RTKN: variants seen among roughly 807,000 people sequenced by gnomAD.
The protein encoded by RTKN is rhotekin.
In RTKN, 49 loss-of-function variants were observed where a neutral mutation model predicts 63.5. The ratio of observed to expected loss-of-function variants is 0.77; its 90% CI spans 0.61 to 0.98. The LOEUF (loss-of-function observed/expected upper bound fraction) is 0.98. RTKN is among the 50% of genes least tolerant of loss of function. The pLI, the probability that RTKN is intolerant of heterozygous loss-of-function variation, is 0.00. For synonymous variants in RTKN, 295 were observed against 290.4 expected (o/e 1.02, Z -0.16); for missense variants, 685 against 740.8 (o/e 0.92, Z 0.87).
In RTKN at chr2:74,441,886, GCTT is replaced by G; in HGVS notation, c.-73_-71del. 1.1e-6 allele frequency: 1 copy of G among 923,878 alleles called. No homozygotes were observed. The highest frequency in any genetic ancestry group is 1.7e-6 in the Non-Finnish European group (1 of 590,030). 57.2% of individuals were successfully genotyped at this position (923,878 alleles called of 1,614,324 possible). On this transcript the variant is annotated 5_prime_UTR_variant, in exon 1 of 12. Coordinates refer to ENST00000272430, the MANE Select transcript of RTKN (RefSeq NM_001015055.2). The stretch of plus-strand genomic sequence containing the variant: ...CGCCCGGCTTAGCCTCCTCTCCTCG[GCTT>G]CTGTCTCTCGACGCTCGTCCGCCAG...
At chr2:74,433,881 T>A (rs576526677) in intron 1 of RTKN, among the ~76,000 whole-genome samples, 79 of 152,250 alleles carry the variant, frequency 5.2e-4, no homozygotes, top group South Asian at 1.0e-3. Flanking sequence ...TACCCTGTAG[T>A]ATTGCAGACA....
chr2:74,433,179 C>T (rs1670856222), intron 1 of RTKN, among the ~76,000 whole-genome samples: 2 of 150,498 alleles, frequency 1.3e-5, no homozygotes, highest in African/African-American at 4.9e-5. Context: ...GGAGGCGGAG[C>T]TTGCAGTGAG....
At position 74,428,611 on chromosome 2, in the gene RTKN, A is replaced by C. The variant is rs1670552893; in HGVS notation, c.957+20T>G. 2 of 1,596,508 alleles carry C rather than the reference A, an allele frequency of 1.3e-6. No homozygotes were observed. The highest frequency in any genetic ancestry group is 1.4e-5 in the African/African-American group (1 of 73,496). ...CTCTGCCTTCTCCCTGCTCCCTTCC[A>C]CTCCTCAGGGCCCCCTCACCTGCAC... is the stretch of plus-strand genomic sequence containing the variant. On this transcript the variant is annotated intron_variant, in intron 8 of 11. Coordinates refer to ENST00000272430, the MANE Select transcript of RTKN (RefSeq NM_001015055.2).
rs1001713983 is a variant in RTKN, at chr2:74,426,698, T to G, written c.1361-124A>C. The stretch of plus-strand genomic sequence containing the variant: ...GCAAAGCCTGGATCTCAGTGGAGAT[T>G]GCGTTATCCTGCAGGAGCAGCCCCT... On this transcript the variant is annotated intron_variant, in intron 11 of 11. Coordinates refer to ENST00000272430, the MANE Select transcript of RTKN (RefSeq NM_001015055.2). 5.0e-6 allele frequency: 7 copies of G among 1,406,080 alleles called. No homozygotes were observed. The South Asian group carries it at 1.0e-4, about 20-fold the overall frequency. The allele number at this position is 1,406,080 out of a possible 1,614,324, so 87.1% of individuals were successfully genotyped here. A position where few individuals can be genotyped will look rare whatever the true frequency, so the allele number is the denominator to read the frequency against.
chr2:74,426,964 G>C, intron 11 of RTKN: 1 of 985,380 alleles, frequency 1.0e-6, no homozygotes, highest in Non-Finnish European at 1.2e-6. Context: ...GGCTCACTGG[G>C]GTTTTGTTTT....
rs1670714475 is a variant in RTKN, at chr2:74,430,908, A to C, written c.312-231T>G. ...AGCCACATTAACTCACACATAAGGC[A>C]CAAGCTCAGGGCTCCTCTCTCCAAG... is the stretch of plus-strand genomic sequence containing the variant. On this transcript the variant is annotated intron_variant, in intron 2 of 11. Transcript: ENST00000272430. The C allele has an allele frequency of 7.1e-6, 4 of 563,508 alleles. No individual in the cohort carries two copies. The East Asian group carries it at 8.7e-5, about 12-fold the overall frequency. 34.9% of individuals were successfully genotyped at this position (563,508 alleles called of 1,614,324 possible).
chr2:74,441,774 C>A lies in RTKN; in HGVS notation c.43G>T (p.Gly15Cys), dbSNP rs1353869523. The A allele has an allele frequency of 6.2e-7, 1 of 1,611,956 alleles. No individual in the cohort carries two copies. The highest frequency in any genetic ancestry group is 1.3e-5 in the African/African-American group (1 of 74,932). The change falls in exon 1 of 12, where the codon GGC (glycine) becomes TGC (cysteine). Residue 15 changes from glycine (G) to cysteine (C), a missense_variant. Physicochemically the swap from Gly to Cys is radical, Grantham distance 159 (BLOSUM62 -3). Coordinates refer to ENST00000272430, the MANE Select transcript of RTKN (RefSeq NM_001015055.2). ...NHRSRVTVAR[G>C]SALEMEFKRG... ...TTGAACTCCATCTCCAGGGCGGAGC[C>A]CCTGGCCACGGTGACCCGGCTCCGG...
rs769193790 is a variant in RTKN, at chr2:74,441,801, G to C, written c.16C>G (p.His6Asp). The change falls in exon 1 of 12, where the codon CAC becomes GAC. Residue 6 changes from histidine to aspartate, a missense_variant. Coordinates refer to ENST00000272430, the MANE Select transcript of RTKN (RefSeq NM_001015055.2). MFSRN[H>D]RSRVTVARGS... ...CTGGCCACGGTGACCCGGCTCCGGT[G>C]GTTTCGGGAGAACATGCTGGCGGCC... The C allele has an allele frequency of 1.2e-6, 2 of 1,610,316 alleles. No homozygotes were observed. Among genetic ancestry groups the C allele is most frequent in the Admixed American group, 3.3e-5 (2 of 59,834 alleles).
chr2:74,427,561 T>A lies in RTKN; in HGVS notation c.1118A>T (p.Gln373Leu). Reference protein sequence around the residue: ...ETRVRAGELDQALGRPFTLSI... With the variant: ...ETRVRAGELDLALGRPFTLSI... ...TAGGGTGAAGGGCCGTCCTAGAGCCTGGTCCAGCTCCCCTGCCCGGACTCG... is the reference window on the plus strand; with the variant it reads ...TAGGGTGAAGGGCCGTCCTAGAGCCAGGTCCAGCTCCCCTGCCCGGACTCG... Residue 373 changes from glutamine to leucine, a missense_variant, in exon 10 of 12, where the codon CAG (glutamine) becomes CTG (leucine). Coordinates refer to ENST00000272430, the MANE Select transcript of RTKN (RefSeq NM_001015055.2). 1 of 1,613,548 alleles carries A rather than the reference T, an allele frequency of 6.2e-7. No homozygotes were observed. The highest frequency in any genetic ancestry group is 1.1e-5 in the South Asian group (1 of 91,060).
intron 1 of RTKN, 29 bp from the exon 2 acceptor site, chr2:74,432,695 G>A (rs779335535): frequency 6.2e-7 from 1 of 1,607,170 alleles, no homozygotes; most frequent in Non-Finnish European, 8.5e-7. Flanking sequence ...AGGGTGAGAA[G>A]GAAATGTCAG....
In RTKN at chr2:74,425,851, A is replaced by G. The variant is rs1670357854; in HGVS notation, c.*392T>C. 2 of 1,351,248 alleles carry G rather than the reference A, an allele frequency of 1.5e-6. No homozygotes were observed. Among genetic ancestry groups the G allele is most frequent in the Non-Finnish European group, 2.0e-6 (2 of 991,046 alleles). The allele number at this position is 1,351,248 out of a possible 1,614,324, so 83.7% of individuals were successfully genotyped here. A position where few individuals can be genotyped will look rare whatever the true frequency, so the allele number is the denominator to read the frequency against. On this transcript the variant is annotated 3_prime_UTR_variant, in exon 12 of 12. Transcript: ENST00000272430. ...AGGCAGGTCTAGACCAGGCAGAGAG[A>G]GGCACCCTGTCCTCAGGAGCCAGGT...
Position 74,429,869 on chromosome 2 carries a change from AC to A in RTKN, c.713del (p.Gly238ValfsTer70), listed in dbSNP as rs756896464. 6.2e-7 allele frequency: 1 copy of A among 1,613,950 alleles called. No homozygotes were observed. Among genetic ancestry groups the A allele is most frequent in the South Asian group, 1.1e-5 (1 of 91,066 alleles). ...RVRASLDSAGGSGSSPILLPT... is the reference protein window; with the variant it reads ...RVRASLDSAGXSGSSPILLPT... ...GGAGCAAGATGGGACTGCTCCCTGA[AC>A]CCCCAGCACTGTCCAGCGATGCCCG... On this transcript the variant is annotated frameshift_variant, in exon 6 of 12. Coordinates refer to ENST00000272430, the MANE Select transcript of RTKN (RefSeq NM_001015055.2). LOFTEE classifies it high-confidence loss of function.
At position 74,430,482 on chromosome 2, in the gene RTKN, T is replaced by C; in HGVS notation, c.410A>G (p.Tyr137Cys). 1 of 1,614,172 alleles carries C rather than the reference T, an allele frequency of 6.2e-7. No homozygotes were observed. Among genetic ancestry groups the C allele is most frequent in the Non-Finnish European group, 8.5e-7 (1 of 1,180,028 alleles). The change falls in exon 4 of 12, where the codon TAT becomes TGT. Residue 137 changes from tyrosine to cysteine, a missense_variant. Physicochemically the swap from Tyr to Cys is radical, Grantham distance 194. Transcript: ENST00000272430. ...RIPLMWKDTE[Y>C]FKNKGDLHRW... ...GAACTCACCACCTTTGTTCTTGAAATATTCTGTGTCCTTCCACATGAGTGG... is the reference window on the plus strand; with the variant it reads ...GAACTCACCACCTTTGTTCTTGAAACATTCTGTGTCCTTCCACATGAGTGG...
At chr2:74,440,073 A>T in intron 1 of RTKN, 1 of 828,596 alleles carries the variant, frequency 1.2e-6, no homozygotes, top group Non-Finnish European at 1.5e-6. Flanking sequence ...GTGTGCGGAG[A>T]GGGCAGTGAG....
Position 74,436,104 on chromosome 2 carries a change from C to A in RTKN, c.112-3438G>T, listed in dbSNP as rs1490270003. On this transcript the variant is annotated intron_variant, in intron 1 of 11. Coordinates refer to ENST00000272430, the MANE Select transcript of RTKN (RefSeq NM_001015055.2). The surrounding 1 kb of genome is among the most constrained non-coding windows in gnomAD (Gnocchi z 4.3). ...GCACCCAGCTTCAGCCACAAACATC[C>A]CAAATGGGTGAGCCTGGCAGGAGGG... is the stretch of plus-strand genomic sequence containing the variant. Among the ~76,000 whole-genome samples the A allele has an allele frequency of 6.6e-6, 1 of 152,230 alleles. No individual in the cohort carries two copies. The highest frequency in any genetic ancestry group is 2.4e-5 in the African/African-American group (1 of 41,456).
chr2:74,439,797 T>A, intron 1 of RTKN: 2 of 1,417,470 alleles, frequency 1.4e-6, no homozygotes, highest in Non-Finnish European at 1.9e-6. Context: ...GTTAAACCCC[T>A]CTGGCTGCTG....
chr2:74,440,183 G>T, intron 1 of RTKN: 1 of 415,700 alleles, frequency 2.4e-6, no homozygotes, highest in Non-Finnish European at 3.3e-6. Context: ...AGGGGTTCCA[G>T]CTTAGTTTGA....
chr2:74,427,251 A>G lies in RTKN; in HGVS notation c.1278T>C (p.Asp426=), dbSNP rs202054055. Residue 426 remains aspartate (D), a synonymous_variant, in exon 11 of 12, where the codon GAT becomes GAC. Coordinates refer to ENST00000272430, the MANE Select transcript of RTKN (RefSeq NM_001015055.2). The stretch of plus-strand genomic sequence containing the variant: ...CAGGAGTTTCAATTTTCATGATTTC[A>G]TCACAGCACTGCTTCCATTGGCCTG... ...FDMSQWKQCC[D]EIMKIETPAP... is the part of the protein sequence containing the mutation. The G allele has an allele frequency of 1.9e-6, 3 of 1,614,194 alleles. No homozygotes were observed. The highest frequency in any genetic ancestry group is 3.3e-5 in the Admixed American group (2 of 60,020).
Position 74,426,243 on chromosome 2 carries a change from T to C in RTKN, c.1692A>G (p.Ter564TrpextTer7). ...QPRTWLQSPV* is the reference protein window; with the variant it reads ...QPRTWLQSPVW ...GATCCTATGCCAGCACCTTTCTCTC[T>C]CACACTGGTGACTGGAGCCAAGTGC... Residue 564 changes from the stop codon to tryptophan (W), a stop_lost, in exon 12 of 12, where the codon TGA (stop) becomes TGG (tryptophan). Transcript: ENST00000272430. 1 of 1,613,464 alleles carries C rather than the reference T, an allele frequency of 6.2e-7. No homozygotes were observed. Among genetic ancestry groups the C allele is most frequent in the Non-Finnish European group, 8.5e-7 (1 of 1,179,428 alleles).
Sources: gnomAD v4.1 joint callset for allele counts (sites outside exome capture counted in the v4.1 genomes callset) on GRCh38, gnomAD v4.1.1 for gene constraint, Gnocchi (gnomAD v3.1) non-coding constraint, MANE v1.5 for transcripts, NCBI Gene and HGNC (gene_info 2026-07-23, HGNC 2026-07-21) for gene names.